Variants in RPTOR observed in about 807,000 individuals in gnomAD.
The protein encoded by RPTOR is regulatory-associated protein of mTOR.
In RPTOR, 21 loss-of-function variants were observed where a neutral mutation model predicts 169.9. The observed-to-expected ratio is 0.12, with a 90% CI of 0.09 to 0.18. The LOEUF is 0.18. Ranked by LOEUF, RPTOR falls within the 10% of genes least tolerant of loss-of-function variation. The pLI is 1.00. For missense variants in RPTOR, 1,133 were observed against 1,855.9 expected, an observed-to-expected ratio of 0.61 and a Z score of 7.16; for synonymous variants, 732 against 753.2, an observed-to-expected ratio of 0.97 and a Z score of 0.46.
chr17:80,709,194 A>G, intron 4 of RPTOR: 1 of 563,998 alleles, frequency 1.8e-6, no homozygotes, highest in Non-Finnish European at 2.2e-6. Flanking sequence ...CTTGATTTTA[A>G]TTCCTTTCGT....
At chr17:80,865,473 C>T (rs1457039954) in intron 13 of RPTOR, among the ~76,000 whole-genome samples, 1 of 152,096 alleles carries the variant, frequency 6.6e-6, no homozygotes, top group African/African-American at 2.4e-5. Context: ...CATGCAGGCA[C>T]TAAGCAGAGG....
At position 80,923,561 on chromosome 17, in the gene RPTOR, G is replaced by A. The variant is rs1308946941; in HGVS notation, c.2696G>A (p.Arg899Gln). ...GATGTGGCCAAGCAGCCGGTCAGCC[G>A]AGACTTGCCTTCTGGCCGGCCGGGC... ...TNDVAKQPVS[R>Q]DLPSGRPGTT... Residue 899 changes from arginine (R) to glutamine (Q), a missense_variant, in exon 23 of 34, where the codon CGA becomes CAA. By Grantham distance (43) the Arg-to-Gln change is conservative (BLOSUM62 1). This residue lies in a region of RPTOR where 123 missense variants were observed against 129.0 expected (regional missense o/e 0.95). Coordinates refer to ENST00000306801, the MANE Select transcript of RPTOR (RefSeq NM_020761.3). 2.5e-6 allele frequency: 4 copies of A among 1,613,574 alleles called. No homozygotes were observed. The highest frequency in any genetic ancestry group is 2.2e-5 in the East Asian group (1 of 44,884).
intron 3 of RPTOR, among the ~76,000 whole-genome samples, chr17:80,677,253 T>C (rs1409270205): frequency 1.3e-5 from 2 of 152,250 alleles, no homozygotes; most frequent in Non-Finnish European, 1.5e-5. Context: ...GCTTCAATTC[T>C]ATGCTCTTCA....
At chr17:80,696,012 G>A (rs1019623128) in intron 3 of RPTOR, among the ~76,000 whole-genome samples, 2 of 152,212 alleles carry the variant, frequency 1.3e-5, no homozygotes, top group Admixed American at 1.3e-4. Flanking sequence ...TTCTGAGTGT[G>A]CGACTCTCAG....
At chr17:80,791,549 G>C (rs1567913243) in intron 7 of RPTOR, 40 bp downstream of exon 7, 9 of 1,574,464 alleles carry the variant, frequency 5.7e-6, no homozygotes, top group East Asian at 2.2e-5. Context: ...CTCTGGATCT[G>C]ATGAGTTTCT....
intron 10 of RPTOR, among the ~76,000 whole-genome samples, chr17:80,846,074 G>T (rs2067726144): frequency 6.6e-6 from 1 of 152,174 alleles, no homozygotes; most frequent in Non-Finnish European, 1.5e-5. Flanking sequence ...TCCCAAGCGT[G>T]TCCCCAGCCA....
At chr17:80,938,469 G>A (rs749381752) in intron 24 of RPTOR, among the ~76,000 whole-genome samples, 5 of 152,272 alleles carry the variant, frequency 3.3e-5, no homozygotes, top group Admixed American at 2.0e-4. Flanking sequence ...TCTTTCCACC[G>A]CGGGTTTTTT....
intron 12 of RPTOR, among the ~76,000 whole-genome samples, chr17:80,856,270 TGG>T (rs1272011973): frequency 1.3e-5 from 2 of 152,318 alleles, no homozygotes; most frequent in Middle Eastern, 3.4e-3. Context: ...TCGTTTTTCT[TGG>T]GTGTGGTAAC....
intron 6 of RPTOR, among the ~76,000 whole-genome samples, chr17:80,780,530 G>A (rs1462318733): frequency 6.6e-6 from 1 of 152,224 alleles, no homozygotes; most frequent in Non-Finnish European, 1.5e-5. Flanking sequence ...GTCCGGGCTA[G>A]AAGGGGATTA....
At chr17:80,953,880 G>C (rs1277549260) in intron 28 of RPTOR, among the ~76,000 whole-genome samples, 2 of 152,234 alleles carry the variant, frequency 1.3e-5, no homozygotes, top group Non-Finnish European at 2.9e-5. Context: ...CGGAGGAGCA[G>C]GGCTGCAAGT....
chr17:80,841,688 C>T (rs1201666973), intron 10 of RPTOR, among the ~76,000 whole-genome samples: 5 of 138,620 alleles, frequency 3.6e-5, no homozygotes, highest in South Asian at 2.4e-4. Flanking sequence ...ACTCACCGCA[C>T]GGCATCTCAC....
intron 3 of RPTOR, among the ~76,000 whole-genome samples, chr17:80,666,545 A>T (rs1257852087): frequency 6.6e-6 from 1 of 152,234 alleles, no homozygotes; most frequent in Non-Finnish European, 1.5e-5. Flanking sequence ...AATGTTGATT[A>T]TTGGCCATAT....
intron 9 of RPTOR, among the ~76,000 whole-genome samples, chr17:80,833,022 G>A (rs995241061): frequency 2.0e-5 from 3 of 152,164 alleles, no homozygotes; most frequent in Non-Finnish European, 4.4e-5. Flanking sequence ...CAAAGTCACC[G>A]GGGAGTCATT....
In RPTOR at chr17:80,610,685, C is replaced by T. The variant is rs991567509; in HGVS notation, c.163-15006C>T. Among the ~76,000 whole-genome samples the T allele has an allele frequency of 2.2e-4, 33 of 152,100 alleles. 1 individual carries two copies. Among genetic ancestry groups the T allele is most frequent in the Non-Finnish European group, 5.9e-5 (4 of 68,020 alleles). On this transcript the variant is annotated intron_variant, in intron 1 of 33. Transcript: ENST00000306801. ...CAGCTGAACCTAGGGATGATCTCCACGACAGTAGACCCTGAGGAGCACCCC... is the reference window on the plus strand; with the variant it reads ...CAGCTGAACCTAGGGATGATCTCCATGACAGTAGACCCTGAGGAGCACCCC...
intron 20 of RPTOR, 35 bp downstream of exon 20, chr17:80,893,900 C>A (rs777609472): frequency 1.3e-6 from 2 of 1,504,554 alleles, no homozygotes; most frequent in Non-Finnish European, 8.9e-7. Flanking sequence ...TTCCGAGGGG[C>A]CCCGAGGGTC....
At chr17:80,945,982 T>C (rs2069098695) in intron 26 of RPTOR, among the ~76,000 whole-genome samples, 1 of 152,178 alleles carries the variant, frequency 6.6e-6, no homozygotes, top group African/African-American at 2.4e-5. Flanking sequence ...GCCCCGGGCC[T>C]GGCCCTGTCC....
intron 5 of RPTOR, among the ~76,000 whole-genome samples, chr17:80,743,808 G>GTTA (rs2066516692): frequency 1.5e-5 from 2 of 131,814 alleles, no homozygotes; most frequent in Non-Finnish European, 3.3e-5. Context: ...CACAGCCCTG[G>GTTA]CTACTAGCAG....
At chr17:80,619,660 G>T (rs549228570) in intron 1 of RPTOR, among the ~76,000 whole-genome samples, 1 of 152,188 alleles carries the variant, frequency 6.6e-6, no homozygotes, top group African/African-American at 2.4e-5. Context: ...CTGAGCTGGG[G>T]TGAGACTGGA....
At chr17:80,916,617 C>T (rs1225561369) in intron 21 of RPTOR, among the ~76,000 whole-genome samples, 1 of 152,264 alleles carries the variant, frequency 6.6e-6, no homozygotes, top group Non-Finnish European at 1.5e-5. Flanking sequence ...TCACCAGCCA[C>T]AGAGGTTTCT....
Sources: gnomAD v4.1 joint callset for allele counts (sites outside exome capture counted in the v4.1 genomes callset) on GRCh38, gnomAD v4.1.1 for gene constraint, gnomAD v4.1.1 regional missense constraint, MANE v1.5 for transcripts, NCBI Gene and HGNC (gene_info 2026-07-23, HGNC 2026-07-21) for gene names.